ULK4: variants seen among roughly 807,000 people sequenced by gnomAD.
ULK4 encodes the protein inactive serine/threonine-protein kinase ULK4.
Under a neutral mutation model 160.6 loss-of-function variants are expected in ULK4, and 133 were observed. That is an observed-to-expected ratio of 0.83 (90% confidence interval 0.72 to 0.96). The LOEUF is 0.96. ULK4 is among the 40% of genes least tolerant of loss of function. The pLI is 0.00. For synonymous variants in ULK4, 534 were observed against 539.8 expected, an observed-to-expected ratio of 0.99 and a Z score of 0.15; for missense variants, 1,580 against 1,499.5, an observed-to-expected ratio of 1.05 and a Z score of -0.89.
At chr3:41,643,605 T>C (rs982182862) in intron 30 of ULK4, among the ~76,000 whole-genome samples, 1 of 152,206 alleles carries the variant, frequency 6.6e-6, no homozygotes, top group African/African-American at 2.4e-5. Context: ...CCTTGTAGTA[T>C]AGTTTGAAGT....
chr3:41,741,589 T>C (rs1340645597), intron 22 of ULK4, among the ~76,000 whole-genome samples: 1 of 151,972 alleles, frequency 6.6e-6, no homozygotes, highest in Non-Finnish European at 1.5e-5. Context: ...AGTGGCTAAA[T>C]CAGATGCATG....
chr3:41,723,101 T>C (rs952847245), intron 22 of ULK4, among the ~76,000 whole-genome samples: 1 of 152,198 alleles, frequency 6.6e-6, no homozygotes, highest in African/African-American at 2.4e-5. Flanking sequence ...CATCTATTTA[T>C]GGGGTTTAAA....
rs140314666 is a variant in ULK4, at chr3:41,759,885, C to T, written c.2194-5397G>A. On this transcript the variant is annotated intron_variant, in intron 21 of 36. Transcript: ENST00000301831. ...CATATGACCAAATGATGCTGGAACA[C>T]CTGAACATCCACATGCAAAAATGTT... Among the ~76,000 whole-genome samples, 293 of 152,262 alleles carry T rather than the reference C, an allele frequency of 1.9e-3. 1 individual carries two copies. Among genetic ancestry groups the T allele is most frequent in the African/African-American group, 7.0e-3 (290 of 41,564 alleles).
rs761816948 is a variant in ULK4 at position 41,931,965 on chromosome 3, A to G, written c.420T>C (p.Phe140=). ...EGPGTLKFSN[F]CLAKVEGENL... The stretch of plus-strand genomic sequence containing the variant: ...TTTCACCTTCCACTTTTGCCAAGCA[A>G]AAGTTGCTAAACTTCAGTGTGCCAG... The change falls in exon 5 of 37, where the codon TTT becomes TTC. Residue 140 remains phenylalanine, a synonymous_variant. Coordinates refer to ENST00000301831, the MANE Select transcript of ULK4 (RefSeq NM_017886.4). 2 of 1,614,088 alleles carry G rather than the reference A, an allele frequency of 1.2e-6. No homozygotes were observed. Among genetic ancestry groups the G allele is most frequent in the African/African-American group, 1.3e-5 (1 of 75,020 alleles).
At chr3:41,908,737 C>A (rs1261363139) in intron 11 of ULK4, among the ~76,000 whole-genome samples, 1 of 152,080 alleles carries the variant, frequency 6.6e-6, no homozygotes, top group Non-Finnish European at 1.5e-5. Flanking sequence ...AGCCACTGTG[C>A]CCGGCCTGAG....
rs992538521 is a variant in ULK4 at position 41,841,428 on chromosome 3, G to A, written c.1657-5457C>T. 3.1e-3 allele frequency among the ~76,000 whole-genome samples: 454 copies of A among 145,442 alleles called. 3 individuals are homozygous for A. The highest frequency in any genetic ancestry group is 2.7e-3 in the Non-Finnish European group (182 of 66,286). On this transcript the variant is annotated intron_variant, in intron 17 of 36. Transcript: ENST00000301831. ...GAGAGCGCCTGTGCCCGGCCGCCCC[G>A]TCTGGGAAGTGGGCACCTCTGCCCG...
chr3:41,601,724 G>C (rs941047448), intron 31 of ULK4, among the ~76,000 whole-genome samples: 1 of 152,014 alleles, frequency 6.6e-6, no homozygotes, highest in African/African-American at 2.4e-5. Context: ...GAACACACTT[G>C]AATTAAGAGA....
chr3:41,830,430 A>G (rs886285768), intron 18 of ULK4, among the ~76,000 whole-genome samples: 2 of 152,144 alleles, frequency 1.3e-5, no homozygotes, highest in African/African-American at 2.4e-5. Context: ...AAAGCAAATC[A>G]GTGGTAGTAT....
At chr3:41,673,697 C>CAT (rs144131094) in intron 29 of ULK4, among the ~76,000 whole-genome samples, 10 of 151,402 alleles carry the variant, frequency 6.6e-5, no homozygotes, top group East Asian at 1.9e-4. Context: ...TACATACATA[C>CAT]ATATATATAT....
chr3:41,271,283 T>A (rs1240202398), intron 35 of ULK4, among the ~76,000 whole-genome samples: 1 of 152,178 alleles, frequency 6.6e-6, no homozygotes, highest in African/African-American at 2.4e-5. Flanking sequence ...ACTTTGCATA[T>A]CCTAAAACTT....
chr3:41,772,403 A>G (rs572492200), intron 21 of ULK4, among the ~76,000 whole-genome samples: 3 of 152,196 alleles, frequency 2.0e-5, no homozygotes, highest in South Asian at 2.1e-4. Context: ...CACCGATCCC[A>G]CAGAAATACA....
intron 18 of ULK4, among the ~76,000 whole-genome samples, chr3:41,827,900 A>G (rs1240217261): frequency 6.6e-6 from 1 of 152,076 alleles, no homozygotes; most frequent in Non-Finnish European, 1.5e-5. Flanking sequence ...AAAATCCCCA[A>G]TAAAATACGG....
Position 41,673,941 on chromosome 3 carries a change from G to C in ULK4, c.2978+7567C>G, listed in dbSNP as rs867571277. Reference sequence around the variant, plus strand: ...GCCCACAGGAATGTAAGCTCACTGAGGGGCGGGAATTTAATTGTGTTAACC... The same window carrying C: ...GCCCACAGGAATGTAAGCTCACTGACGGGCGGGAATTTAATTGTGTTAACC... On this transcript the variant is annotated intron_variant, in intron 29 of 36. Transcript: ENST00000301831. Among the ~76,000 whole-genome samples the C allele has an allele frequency of 2.6e-5, 4 of 152,230 alleles. No homozygotes were observed. In the South Asian group the frequency reaches 6.2e-4, roughly 24 times the overall value.
intron 22 of ULK4, among the ~76,000 whole-genome samples, chr3:41,735,456 A>G (rs1366354944): frequency 6.6e-6 from 1 of 152,104 alleles, no homozygotes; most frequent in Non-Finnish European, 1.5e-5. Context: ...ATTCCCTTCG[A>G]GTTCTACCGA....
At chr3:41,835,405 A>G (rs2041723719) in intron 18 of ULK4, among the ~76,000 whole-genome samples, 1 of 152,208 alleles carries the variant, frequency 6.6e-6, no homozygotes, top group South Asian at 2.1e-4. Context: ...GCACTTCCAT[A>G]TTGCACCTTT....
intron 21 of ULK4, among the ~76,000 whole-genome samples, chr3:41,780,029 G>A (rs965369062): frequency 1.3e-5 from 2 of 149,358 alleles, no homozygotes; most frequent in South Asian, 2.1e-4. Context: ...GCCAGATGCC[G>A]TGGCTCACAT....
intron 7 of ULK4, 64 bp from the exon 8 acceptor site, chr3:41,916,116 A>C: frequency 2.0e-6 from 2 of 1,005,142 alleles, no homozygotes; most frequent in Admixed American, 5.2e-5. Flanking sequence ...TTTTATTTTT[A>C]TCTCTTACAT....
chr3:41,487,265 AC>A (rs2084572578), intron 32 of ULK4, among the ~76,000 whole-genome samples: 1 of 152,176 alleles, frequency 6.6e-6, no homozygotes. Context: ...CTGTGAAGAT[AC>A]AATCCAAATT....
intron 32 of ULK4, among the ~76,000 whole-genome samples, chr3:41,472,207 T>A (rs2084012175): frequency 6.6e-6 from 1 of 151,454 alleles, no homozygotes; most frequent in Non-Finnish European, 1.5e-5. Context: ...TCAAAAAAAA[T>A]TGAATAACCG....
Sources: allele counts gnomAD v4.1 joint callset (sites outside exome capture counted in the v4.1 genomes callset), GRCh38; gene constraint gnomAD v4.1.1; transcripts MANE v1.5; gene names NCBI Gene and HGNC (gene_info 2026-07-23, HGNC 2026-07-21).